Variants in MTCL2 observed in about 807,000 individuals in gnomAD.
MTCL2 encodes microtubule crosslinking factor 2, also known as microtubule cross-linking factor 2.
chr20:36,823,066 GA>G, the MTCL2 span, among the ~76,000 whole-genome samples: 3 of 152,196 alleles, frequency 2.0e-5, no homozygotes, highest in African/African-American at 7.2e-5. Context: ...GCCTACTGTA[GA>G]TTCTAGAAGG....
chr20:36,792,240 G>A, the MTCL2 span, among the ~76,000 whole-genome samples: 2 of 152,186 alleles, frequency 1.3e-5, no homozygotes, highest in African/African-American at 4.8e-5. Context: ...AGGCGCGGTG[G>A]CTCACGCCTG....
the MTCL2 span, among the ~76,000 whole-genome samples, chr20:36,850,836 T>C: frequency 2.6e-5 from 4 of 152,220 alleles, no homozygotes; most frequent in African/African-American, 9.6e-5. Flanking sequence ...AGCTGGTGAA[T>C]GATAAACTGT....
At chr20:36,835,525 G>C in the MTCL2 span, among the ~76,000 whole-genome samples, 1 of 152,124 alleles carries the variant, frequency 6.6e-6, no homozygotes, top group South Asian at 2.1e-4. Context: ...AAGTCCCAGA[G>C]GTACCCTCCT....
chr20:36,819,172 A>G, the MTCL2 span, among the ~76,000 whole-genome samples: 3 of 152,124 alleles, frequency 2.0e-5, no homozygotes, highest in South Asian at 2.1e-4. Context: ...AAATTTCTCA[A>G]TGTTTAAAGA....
chr20:36,808,447 G>C, the MTCL2 span: 18 of 1,359,288 alleles, frequency 1.3e-5, no homozygotes, highest in Admixed American at 2.0e-4. Context: ...TACCAGCTGG[G>C]CGTCCCTTCC....
chr20:36,855,981 G>A, the MTCL2 span, among the ~76,000 whole-genome samples: 1 of 152,148 alleles, frequency 6.6e-6, no homozygotes, highest in Non-Finnish European at 1.5e-5. Flanking sequence ...CACATAAAAG[G>A]AGGTGGCTGC....
At chr20:36,844,303 C>G in the MTCL2 span, among the ~76,000 whole-genome samples, 1 of 151,650 alleles carries the variant, frequency 6.6e-6, no homozygotes, top group African/African-American at 2.4e-5. Flanking sequence ...CCCCTGTAAC[C>G]CCAGCACTCT....
the MTCL2 span, among the ~76,000 whole-genome samples, chr20:36,805,349 A>G: frequency 6.6e-6 from 1 of 151,288 alleles, no homozygotes; most frequent in East Asian, 1.9e-4. Context: ...TCCCATCCCT[A>G]CCCCAGCTCA....
chr20:36,807,855 G>A, the MTCL2 span, among the ~76,000 whole-genome samples: 1 of 135,630 alleles, frequency 7.4e-6, no homozygotes, highest in African/African-American at 2.7e-5. Flanking sequence ...CCAACATGGA[G>A]AAACCCTGTC....
the MTCL2 span, among the ~76,000 whole-genome samples, chr20:36,826,670 A>C: frequency 2.8e-4 from 43 of 151,842 alleles, no homozygotes; most frequent in African/African-American, 7.5e-4. Flanking sequence ...GAGCCACCAC[A>C]CCCAGCCTCA....
the MTCL2 span, chr20:36,816,388 T>C: frequency 8.1e-7 from 1 of 1,238,878 alleles, no homozygotes; most frequent in Non-Finnish European, 1.1e-6. Context: ...TGGGGAGCAC[T>C]ATGTGCTGGG....
the MTCL2 span, among the ~76,000 whole-genome samples, chr20:36,843,051 G>A: frequency 6.6e-6 from 1 of 152,322 alleles, no homozygotes; most frequent in South Asian, 2.1e-4. Context: ...GGAGGAGGGA[G>A]TGTCCACTCT....
chr20:36,857,150 C>T, the MTCL2 span, among the ~76,000 whole-genome samples: 2 of 152,276 alleles, frequency 1.3e-5, no homozygotes, highest in African/African-American at 2.4e-5. Context: ...GTGTGTATAA[C>T]GTCTGTGTGG....
At chr20:36,804,893 A>G in the MTCL2 span, 1 of 1,610,982 alleles carries the variant, frequency 6.2e-7, no homozygotes, top group Admixed American at 1.7e-5. Context: ...GTCTTGATGT[A>G]CTCATTGGGC....
the MTCL2 span, among the ~76,000 whole-genome samples, chr20:36,855,021 C>T: frequency 1.3e-5 from 2 of 152,180 alleles, no homozygotes; most frequent in African/African-American, 4.8e-5. Context: ...CCCAAGCCAA[C>T]ACCCACAGAG....
the MTCL2 span, among the ~76,000 whole-genome samples, chr20:36,854,543 C>T: frequency 6.6e-6 from 1 of 151,970 alleles, no homozygotes; most frequent in East Asian, 1.9e-4. Flanking sequence ...GTCCAGCACC[C>T]GCAGAGCTTG....
chr20:36,850,831 G>A, the MTCL2 span, among the ~76,000 whole-genome samples: 2 of 152,196 alleles, frequency 1.3e-5, no homozygotes, highest in Non-Finnish European at 2.9e-5. Flanking sequence ...CCCTCAGCTG[G>A]TGAATGATAA....
chr20:36,812,934 G>T, the MTCL2 span: 1 of 1,474,496 alleles, frequency 6.8e-7, no homozygotes, highest in Non-Finnish European at 9.1e-7. Context: ...AGGCCTCTGC[G>T]CTCCCTAAGA....
chr20:36,836,090 T>TCCCAAC, the MTCL2 span, among the ~76,000 whole-genome samples: 205 of 9,422 alleles, frequency 0.022, no homozygotes, highest in African/African-American at 0.083. Context: ...CCCCCACCCC[T>TCCCAAC]CCCAACCCAG....
Sources: gnomAD v4.1 joint callset for allele counts (sites outside exome capture counted in the v4.1 genomes callset) on GRCh38, gnomAD v4.1.1 for gene constraint, MANE v1.5 for transcripts, NCBI Gene and HGNC (gene_info 2026-07-23, HGNC 2026-07-21) for gene names.